The following PRKN variants were observed in gnomAD, a reference collection of about 807,000 sequenced individuals.
The protein encoded by PRKN is parkin RBR E3 ubiquitin protein ligase, also known as E3 ubiquitin-protein ligase parkin.
PRKN carries 56 observed loss-of-function variants against 59.5 expected under a neutral mutation model. The observed-to-expected ratio is 0.94, with a 90% CI of 0.76 to 1.18. The LOEUF (loss-of-function observed/expected upper bound fraction) is 1.18. Ranked by LOEUF, PRKN falls within the 50% of genes most tolerant of loss-of-function variation. The pLI is 0.00. For missense variants in PRKN, 657 were observed against 596.4 expected (o/e 1.10, Z -1.06); for synonymous variants, 250 against 222.1 (o/e 1.13, Z -1.12).
chr6:162,377,022 G>A (rs962693729), intron 2 of PRKN, among the ~76,000 whole-genome samples: 9 of 152,076 alleles, frequency 5.9e-5, no homozygotes, highest in Non-Finnish European at 1.2e-4. Context: ...TGCCCACTTA[G>A]CAGGAACCGC....
At chr6:162,542,950 TC>T (rs1312431131) in intron 1 of PRKN, among the ~76,000 whole-genome samples, 2 of 152,026 alleles carry the variant, frequency 1.3e-5, no homozygotes, top group African/African-American at 4.8e-5. Flanking sequence ...TGAGGGTTCT[TC>T]CTCCTACTGA....
At chr6:162,338,442 C>CG (rs1442474435) in intron 2 of PRKN, among the ~76,000 whole-genome samples, 1 of 152,152 alleles carries the variant, frequency 6.6e-6, no homozygotes. Context: ...TTGGTGGAGA[C>CG]GGGGTTTTGC....
In PRKN at chr6:161,444,244, T is replaced by C. The variant is rs1789385721; in HGVS notation, c.1084-57367A>G. The stretch of plus-strand genomic sequence containing the variant: ...AGTGAGCTTCCTAAGGAAATCCTCT[T>C]GCCTGGAAGAGGCTCCCAATCATCT... On this transcript the variant is annotated intron_variant, in intron 9 of 11. Transcript: ENST00000366898. This position sits in a 1 kb window ranked among gnomAD's most constrained non-coding sequence, Gnocchi z 5.6. Among the ~76,000 whole-genome samples the C allele has an allele frequency of 6.6e-6, 1 of 152,190 alleles. No individual in the cohort carries two copies. Among genetic ancestry groups the C allele is most frequent in the South Asian group, 2.1e-4 (1 of 4,826 alleles).
intron 9 of PRKN, among the ~76,000 whole-genome samples, chr6:161,435,198 AAG>A (rs1788824669): frequency 6.6e-6 from 1 of 152,174 alleles, no homozygotes; most frequent in South Asian, 2.1e-4. Flanking sequence ...TGCCAGAAAA[AAG>A]AGAGATGATT....
chr6:162,150,434 A>G (rs545223919), intron 4 of PRKN, among the ~76,000 whole-genome samples: 42 of 152,316 alleles, frequency 2.8e-4, no homozygotes, highest in African/African-American at 9.4e-4. Context: ...GCTCCCGCAC[A>G]CAAGGCTTTG....
chr6:162,060,731 T>C (rs1778068699), intron 4 of PRKN, among the ~76,000 whole-genome samples: 1 of 152,236 alleles, frequency 6.6e-6, no homozygotes, highest in South Asian at 2.1e-4. Context: ...CATATGTGAG[T>C]ATATGCATTG....
intron 9 of PRKN, among the ~76,000 whole-genome samples, chr6:161,452,854 TTCTC>T (rs138156168): frequency 1.3e-5 from 2 of 149,510 alleles, no homozygotes; most frequent in African/African-American, 2.4e-5. Context: ...TAAATCCAAA[TTCTC>T]TCTCTCTCTC....
chr6:162,027,883 G>A (rs1484778989), intron 5 of PRKN, among the ~76,000 whole-genome samples: 1 of 151,722 alleles, frequency 6.6e-6, no homozygotes, highest in Admixed American at 6.6e-5. Flanking sequence ...AGGGAAGAAG[G>A]AAGGTGGGGA....
chr6:161,860,542 C>A (rs551226016), intron 6 of PRKN, among the ~76,000 whole-genome samples: 1 of 152,342 alleles, frequency 6.6e-6, no homozygotes, highest in Non-Finnish European at 1.5e-5. Flanking sequence ...ACAGAACTCC[C>A]TCTTTCGGTC....
intron 4 of PRKN, among the ~76,000 whole-genome samples, chr6:162,137,045 T>A (rs1781585072): frequency 6.6e-6 from 1 of 152,064 alleles, no homozygotes; most frequent in Non-Finnish European, 1.5e-5. Flanking sequence ...ATTTATCTTA[T>A]AAGTACCTCA....
chr6:162,450,282 CTT>C (rs926748917), intron 1 of PRKN, among the ~76,000 whole-genome samples: 3 of 140,496 alleles, frequency 2.1e-5, no homozygotes, highest in African/African-American at 9.1e-5. Flanking sequence ...GTAAATGCCC[CTT>C]TGAGTGTAAC....
chr6:162,026,856 A>G (rs910679238), intron 5 of PRKN, among the ~76,000 whole-genome samples: 2 of 152,188 alleles, frequency 1.3e-5, no homozygotes, highest in African/African-American at 2.4e-5. Flanking sequence ...ATGTTGCTTA[A>G]TAGCTTGCTT....
At chr6:162,431,029 C>G (rs1789492649) in intron 2 of PRKN, among the ~76,000 whole-genome samples, 1 of 152,032 alleles carries the variant, frequency 6.6e-6, no homozygotes, top group Non-Finnish European at 1.5e-5. Context: ...ACACCTCTTC[C>G]CAACGCCGCC....
At chr6:162,541,502 T>A (rs1167145199) in intron 1 of PRKN, among the ~76,000 whole-genome samples, 1 of 152,122 alleles carries the variant, frequency 6.6e-6, no homozygotes, top group Admixed American at 6.5e-5. Context: ...AGAAGAAACA[T>A]AAGCCAATCA....
intron 1 of PRKN, among the ~76,000 whole-genome samples, chr6:162,591,459 G>C (rs1018837352): frequency 6.6e-6 from 1 of 152,058 alleles, no homozygotes; most frequent in Admixed American, 6.6e-5. Flanking sequence ...GATGAAGTCA[G>C]GGTATTTAGG....
chr6:161,469,322 G>A (rs1790652416), intron 9 of PRKN, among the ~76,000 whole-genome samples: 1 of 152,176 alleles, frequency 6.6e-6, no homozygotes, highest in African/African-American at 2.4e-5. Context: ...GTGAAGAGGT[G>A]CCTTCCGCCA....
chr6:161,787,470 G>A (rs748210706), intron 6 of PRKN, among the ~76,000 whole-genome samples: 9 of 152,084 alleles, frequency 5.9e-5, no homozygotes, highest in Non-Finnish European at 1.2e-4. Context: ...TTCACTTTGC[G>A]ACCCTATGAA....
At chr6:161,766,903 A>T (rs1176624013) in intron 7 of PRKN, among the ~76,000 whole-genome samples, 1 of 152,186 alleles carries the variant, frequency 6.6e-6, no homozygotes, top group African/African-American at 2.4e-5. Flanking sequence ...AGGCAGACCT[A>T]TGTTTACATT....
chr6:161,556,881 T>C (rs891968375), intron 8 of PRKN, among the ~76,000 whole-genome samples: 2 of 152,104 alleles, frequency 1.3e-5, no homozygotes, highest in Non-Finnish European at 2.9e-5. Context: ...AGTGAGCATC[T>C]GTGTGTGTGT....
Sources: gnomAD v4.1 joint callset for allele counts (sites outside exome capture counted in the v4.1 genomes callset) on GRCh38, gnomAD v4.1.1 for gene constraint, Gnocchi (gnomAD v3.1) non-coding constraint, MANE v1.5 for transcripts, NCBI Gene and HGNC (gene_info 2026-07-23, HGNC 2026-07-21) for gene names.